Variants in C7orf33 observed in about 807,000 individuals in gnomAD.
C7orf33 encodes the protein chromosome 7 open reading frame 33.
C7orf33 carries 15 observed loss-of-function variants against 13.4 expected under a neutral mutation model. The observed-to-expected ratio is 1.12, with a 90% CI of 0.75 to 1.72. The LOEUF (loss-of-function observed/expected upper bound fraction) is 1.72. Among genes scored for constraint, C7orf33 ranks in the 40% most tolerant of loss-of-function variants. The pLI, the probability that C7orf33 is intolerant of heterozygous loss-of-function variation, is 0.00. For synonymous variants in C7orf33, 73 were observed against 83.2 expected (o/e 0.88, Z 0.67); for missense variants, 187 against 220.3 (o/e 0.85, Z 0.96).
chr7:148,590,936 A>C lies in C7orf33; in HGVS notation c.11A>C (p.Glu4Ala), dbSNP rs1796260775. ...ATTACCTTTGCCAAAATGCAAGTGGAAGTTCAAAGCCTCAGCCTTGAAGAG... is the reference window on the plus strand; with the variant it reads ...ATTACCTTTGCCAAAATGCAAGTGGCAGTTCAAAGCCTCAGCCTTGAAGAG... Reference protein sequence around the residue: MQVEVQSLSLEECP... With the variant: MQVAVQSLSLEECP... The change falls in exon 1 of 3, where the codon GAA becomes GCA. Residue 4 changes from glutamate to alanine, a missense_variant. By Grantham distance (107) the Glu-to-Ala change is moderately radical. Coordinates refer to ENST00000307003, the MANE Select transcript of C7orf33 (RefSeq NM_145304.4). The C allele has an allele frequency of 2.5e-6, 4 of 1,614,050 alleles. No homozygotes were observed. The highest frequency in any genetic ancestry group is 3.4e-6 in the Non-Finnish European group (4 of 1,179,950).
chr7:148,597,959 G>A (rs1370188461), intron 1 of C7orf33, among the ~76,000 whole-genome samples: 3 of 152,074 alleles, frequency 2.0e-5, no homozygotes, highest in Non-Finnish European at 2.9e-5. Flanking sequence ...GTTTCACTGT[G>A]TTAGCCAGGA....
chr7:148,591,609 C>T (rs535067913), intron 1 of C7orf33, among the ~76,000 whole-genome samples: 36 of 152,212 alleles, frequency 2.4e-4, no homozygotes, highest in African/African-American at 8.2e-4. Context: ...GAGATAGTAT[C>T]TTGCTCTGTC....
intron 1 of C7orf33, among the ~76,000 whole-genome samples, chr7:148,594,180 T>TA: frequency 6.7e-6 from 1 of 150,114 alleles, no homozygotes. Context: ...TCTTTTTTTT[T>TA]TTTTTTTTTT....
At chr7:148,602,714 G>C (rs1242400486) in intron 1 of C7orf33, among the ~76,000 whole-genome samples, 1 of 151,988 alleles carries the variant, frequency 6.6e-6, no homozygotes, top group African/African-American at 2.4e-5. Flanking sequence ...CATAGGAATT[G>C]GAAAAGAAAA....
At chr7:148,608,456 C>T (rs927409968) in intron 1 of C7orf33, among the ~76,000 whole-genome samples, 7 of 151,168 alleles carry the variant, frequency 4.6e-5, no homozygotes, top group African/African-American at 1.7e-4. Context: ...TAATAAGTCC[C>T]CTCCCCTTGC....
At chr7:148,611,993 T>C (rs1038274635) in intron 1 of C7orf33, among the ~76,000 whole-genome samples, 12 of 152,236 alleles carry the variant, frequency 7.9e-5, no homozygotes, top group African/African-American at 2.9e-4. Flanking sequence ...ACCTGCTCCC[T>C]CCCTGTCCAC....
At chr7:148,605,942 T>C (rs1346297215) in intron 1 of C7orf33, among the ~76,000 whole-genome samples, 1 of 152,208 alleles carries the variant, frequency 6.6e-6, no homozygotes, top group East Asian at 1.9e-4. Flanking sequence ...AATAGAAAAC[T>C]AACTTCTTGA....
chr7:148,595,733 C>T (rs927506380), intron 1 of C7orf33, among the ~76,000 whole-genome samples: 2 of 135,724 alleles, frequency 1.5e-5, no homozygotes, highest in Admixed American at 1.6e-4. Flanking sequence ...TAATATACAT[C>T]TATGTTATAT....
At chr7:148,614,379 A>G in intron 2 of C7orf33, 83 bp downstream of exon 2, 1 of 1,440,972 alleles carries the variant, frequency 6.9e-7, no homozygotes. Flanking sequence ...TGAAGATTGG[A>G]GGGATTGTTG....
chr7:148,612,966 A>T (rs1328033070), intron 1 of C7orf33, among the ~76,000 whole-genome samples: 1 of 152,138 alleles, frequency 6.6e-6, no homozygotes, highest in East Asian at 1.9e-4. Context: ...ATCATCACCT[A>T]AAATATTTAT....
chr7:148,609,757 A>C (rs908788865), intron 1 of C7orf33, among the ~76,000 whole-genome samples: 9 of 152,220 alleles, frequency 5.9e-5, no homozygotes, highest in African/African-American at 2.2e-4. Flanking sequence ...ATTTCAGCCC[A>C]GGATAAGCTT....
In C7orf33 at chr7:148,614,109, A is replaced by G. The variant is rs192458848; in HGVS notation, c.272A>G (p.Lys91Arg). The change falls in exon 2 of 3, where the codon AAA becomes AGA. Residue 91 changes from lysine (K) to arginine (R), a missense_variant. Transcript: ENST00000307003. The part of the protein sequence containing the change: ...EFIAPVSAPT[K>R]SGAPWHFLSQ... ...ATTGCTCCTGTATCAGCTCCCACCA[A>G]ATCTGGTGCCCCGTGGCATTTTCTT... The G allele has an allele frequency of 1.0e-4, 164 of 1,614,150 alleles. No individual in the cohort carries two copies. In the East Asian group the frequency reaches 3.1e-3, roughly 31 times the overall value.
chr7:148,591,276 CAG>C (rs1796266822), intron 1 of C7orf33, 147 bp downstream of exon 1: 3 of 721,620 alleles, frequency 4.2e-6, no homozygotes, highest in Non-Finnish European at 4.6e-6. Context: ...AAGAGAGAGA[CAG>C]AGATTAATTC....
chr7:148,597,758 T>A (rs1422526438), intron 1 of C7orf33, among the ~76,000 whole-genome samples: 1 of 152,034 alleles, frequency 6.6e-6, no homozygotes, highest in Non-Finnish European at 1.5e-5. Context: ...TGTTTTGTTT[T>A]GTTTTGTTTT....
At position 148,590,974 on chromosome 7, in the gene C7orf33, C is replaced by T; in HGVS notation, c.49C>T (p.Leu17Phe). 6.2e-7 allele frequency: 1 copy of T among 1,614,192 alleles called. No individual in the cohort carries two copies. The highest frequency in any genetic ancestry group is 8.5e-7 in the Non-Finnish European group (1 of 1,180,034). ...SLSLEECPWRLPGPQCECEAL... is the reference protein window; with the variant it reads ...SLSLEECPWRFPGPQCECEAL... The stretch of plus-strand genomic sequence containing the variant: ...CAGCCTTGAAGAGTGTCCCTGGAGA[C>T]TTCCAGGCCCCCAATGTGAATGTGA... Residue 17 changes from leucine (L) to phenylalanine (F), a missense_variant, in exon 1 of 3, where the codon CTT (leucine) becomes TTT (phenylalanine). Physicochemically the swap from Leu to Phe is conservative, Grantham distance 22. Coordinates refer to ENST00000307003, the MANE Select transcript of C7orf33 (RefSeq NM_145304.4).
At chr7:148,593,762 A>G (rs1796296049) in intron 1 of C7orf33, among the ~76,000 whole-genome samples, 1 of 152,162 alleles carries the variant, frequency 6.6e-6, no homozygotes, top group South Asian at 2.1e-4. Flanking sequence ...GGAGACTCCC[A>G]ACTGGGATTG....
chr7:148,612,098 C>T lies in C7orf33; in HGVS notation c.205-1944C>T, dbSNP rs543662073. 1.4e-4 allele frequency among the ~76,000 whole-genome samples: 22 copies of T among 152,346 alleles called. No individual in the cohort carries two copies. In the South Asian group the frequency reaches 3.3e-3, roughly 23 times the overall value. On this transcript the variant is annotated intron_variant, in intron 1 of 2. Transcript: ENST00000307003. ...ACTATCAGTGCCTCTATAGAAAAGG[C>T]GCTTGATTAAATTCTCCCCAGTCAG...
At position 148,590,790 on chromosome 7, in the gene C7orf33, G is replaced by T. The variant is rs1307477959; in HGVS notation, c.-136G>T. On this transcript the variant is annotated 5_prime_UTR_variant, in exon 1 of 3. Transcript: ENST00000307003. ...TACTTATGGTGATGCCAATCCAGTG[G>T]TCAGGAGCGAGGCGCCCAGCCTGTG... 3 of 784,440 alleles carry T rather than the reference G, an allele frequency of 3.8e-6. No homozygotes were observed. The highest frequency in any genetic ancestry group is 6.5e-6 in the Non-Finnish European group (3 of 464,252). 48.6% of individuals were successfully genotyped at this position (784,440 alleles called of 1,614,324 possible).
chr7:148,611,820 C>T (rs1286135076), intron 1 of C7orf33, among the ~76,000 whole-genome samples: 4 of 152,252 alleles, frequency 2.6e-5, no homozygotes, highest in Non-Finnish European at 4.4e-5. Flanking sequence ...GACATTGCTG[C>T]GGGGCCAAGA....
Sources: allele counts gnomAD v4.1 joint callset (sites outside exome capture counted in the v4.1 genomes callset), GRCh38; gene constraint gnomAD v4.1.1; transcripts MANE v1.5; gene names NCBI Gene and HGNC (gene_info 2026-07-23, HGNC 2026-07-21).